THSD7B: variants seen among roughly 807,000 people sequenced by gnomAD.
THSD7B encodes the protein thrombospondin type 1 domain containing 7B.
Under a neutral mutation model 213.6 loss-of-function variants are expected in THSD7B, and 138 were observed. The observed-to-expected ratio is 0.65, with a 90% CI of 0.56 to 0.74. THSD7B has a LOEUF of 0.74. Among genes scored for constraint, THSD7B ranks in the 30% least tolerant of loss-of-function variants. The pLI is 0.00. For synonymous variants in THSD7B, 742 were observed against 687.0 expected, an observed-to-expected ratio of 1.08 and a Z score of -1.25; for missense variants, 1,931 against 1,991.5, an observed-to-expected ratio of 0.97 and a Z score of 0.58.
At chr2:137,577,288 C>T (rs1188257876) in intron 17 of THSD7B, among the ~76,000 whole-genome samples, 1 of 152,072 alleles carries the variant, frequency 6.6e-6, no homozygotes, top group African/African-American at 2.4e-5. Context: ...TGAGGCACTG[C>T]AAGAAGGGTG....
At chr2:137,674,691 T>C (rs1377613679) in intron 27 of THSD7B, among the ~76,000 whole-genome samples, 1 of 152,154 alleles carries the variant, frequency 6.6e-6, no homozygotes, top group Admixed American at 6.6e-5. Flanking sequence ...AGGCTGAAGC[T>C]CCCTCTGGAG....
At chr2:137,202,950 T>C (rs974390222) in intron 7 of THSD7B, among the ~76,000 whole-genome samples, 3 of 152,100 alleles carry the variant, frequency 2.0e-5, no homozygotes, top group African/African-American at 4.8e-5. Flanking sequence ...GATAGAGGGA[T>C]AGATAGGTGA....
Position 137,519,996 on chromosome 2 carries a change from G to A in THSD7B, c.3139-43225G>A, listed in dbSNP as rs539674388. On this transcript the variant is annotated intron_variant, in intron 15 of 27. Coordinates refer to ENST00000409968, the MANE Select transcript of THSD7B (RefSeq NM_001316349.2). ...AGAAAGCTAAACACATGAAGACGAA[G>A]AGCCCTGAGGCATGGAGAATAATGT... 4.4e-4 allele frequency among the ~76,000 whole-genome samples: 67 copies of A among 152,306 alleles called. No homozygotes were observed. The South Asian group carries it at 5.6e-3, about 13-fold the overall frequency.
At chr2:137,570,051 G>T (rs1028055997) in intron 16 of THSD7B, among the ~76,000 whole-genome samples, 3 of 151,250 alleles carry the variant, frequency 2.0e-5, no homozygotes, top group Admixed American at 1.3e-4. Flanking sequence ...GCTATCCCAT[G>T]GATTTTCCTT....
intron 1 of THSD7B, among the ~76,000 whole-genome samples, chr2:136,796,980 TCACACA>T (rs58116447): frequency 3.1e-4 from 46 of 146,850 alleles, no homozygotes; most frequent in South Asian, 1.1e-3. Context: ...TCATATTTGA[TCACACA>T]CACACACACA....
At chr2:137,289,275 A>T (rs750749197) in intron 12 of THSD7B, among the ~76,000 whole-genome samples, 1 of 151,876 alleles carries the variant, frequency 6.6e-6, no homozygotes, top group Non-Finnish European at 1.5e-5. Flanking sequence ...TCCTCTTAGA[A>T]ATCCTCAATT....
intron 12 of THSD7B, among the ~76,000 whole-genome samples, chr2:137,347,308 CAG>C (rs1684895964): frequency 6.6e-6 from 1 of 151,680 alleles, no homozygotes; most frequent in Non-Finnish European, 1.5e-5. Context: ...GTTTAAGAAA[CAG>C]AACATTCCTG....
chr2:136,870,333 C>A (rs145819707), intron 1 of THSD7B, among the ~76,000 whole-genome samples: 2 of 152,176 alleles, frequency 1.3e-5, no homozygotes, highest in African/African-American at 4.8e-5. Flanking sequence ...AAAACTTCCT[C>A]GAAAAAATTA....
chr2:137,037,084 T>A (rs1397001674), intron 2 of THSD7B, among the ~76,000 whole-genome samples: 2 of 152,156 alleles, frequency 1.3e-5, no homozygotes, highest in Admixed American at 1.3e-4. Flanking sequence ...CCATAATATT[T>A]TGCATTAACA....
At chr2:137,123,396 G>T (rs565332226) in intron 5 of THSD7B, among the ~76,000 whole-genome samples, 1 of 152,170 alleles carries the variant, frequency 6.6e-6, no homozygotes, top group East Asian at 1.9e-4. Context: ...ATTTCTTTTT[G>T]CAATCCTACC....
chr2:137,438,371 C>T (rs149646018), intron 14 of THSD7B, among the ~76,000 whole-genome samples: 70 of 152,236 alleles, frequency 4.6e-4, no homozygotes, highest in Non-Finnish European at 7.5e-4. Flanking sequence ...ATTTGATTCT[C>T]ATAATAATCT....
intron 2 of THSD7B, among the ~76,000 whole-genome samples, chr2:136,945,532 G>A (rs1014964776): frequency 1.3e-5 from 2 of 152,242 alleles, no homozygotes. Context: ...TCTAGGTTGG[G>A]AAAGTTCTCC....
At chr2:137,188,005 A>G (rs555848143) in intron 7 of THSD7B, among the ~76,000 whole-genome samples, 1 of 152,272 alleles carries the variant, frequency 6.6e-6, no homozygotes, top group Admixed American at 6.5e-5. Flanking sequence ...TACCAGCTCT[A>G]GACACTGTAA....
At chr2:137,265,563 C>A (rs1443422709) in intron 10 of THSD7B, among the ~76,000 whole-genome samples, 1 of 152,106 alleles carries the variant, frequency 6.6e-6, no homozygotes, top group East Asian at 1.9e-4. Context: ...TGGAACCAAC[C>A]CAAAACAGCC....
intron 15 of THSD7B, among the ~76,000 whole-genome samples, chr2:137,529,828 T>C (rs1680362745): frequency 6.6e-6 from 1 of 152,018 alleles, no homozygotes; most frequent in Non-Finnish European, 1.5e-5. Flanking sequence ...GACCTCTAAC[T>C]ACATGTCAGC....
chr2:137,657,289 C>A, intron 24 of THSD7B, 129 bp downstream of exon 24: 1 of 783,142 alleles, frequency 1.3e-6, no homozygotes, highest in Non-Finnish European at 1.9e-6. Flanking sequence ...AATTTTATTA[C>A]AAATTTTCAT....
intron 2 of THSD7B, among the ~76,000 whole-genome samples, chr2:137,021,794 A>G (rs1051220051): frequency 2.0e-5 from 3 of 152,154 alleles, no homozygotes; most frequent in African/African-American, 7.2e-5. Context: ...CTTTATTTCT[A>G]TAATTTTGTC....
chr2:137,168,731 C>T (rs752298879), intron 6 of THSD7B, among the ~76,000 whole-genome samples: 11 of 152,110 alleles, frequency 7.2e-5, no homozygotes, highest in Non-Finnish European at 1.5e-4. Flanking sequence ...ATCATGGTGA[C>T]TCATGCCATG....
At chr2:136,894,587 T>C (rs961214166) in intron 2 of THSD7B, among the ~76,000 whole-genome samples, 2 of 152,210 alleles carry the variant, frequency 1.3e-5, no homozygotes, top group Non-Finnish European at 2.9e-5. Context: ...AAAGTACATA[T>C]TACGTGCTTG....
Sources: gnomAD v4.1 joint callset for allele counts (sites outside exome capture counted in the v4.1 genomes callset) on GRCh38, gnomAD v4.1.1 for gene constraint, MANE v1.5 for transcripts, NCBI Gene and HGNC (gene_info 2026-07-23, HGNC 2026-07-21) for gene names.